CSMD1: variants seen among roughly 807,000 people sequenced by gnomAD.
CSMD1 encodes CUB and Sushi multiple domains 1, also known as CUB and sushi domain-containing protein 1.
CSMD1 carries 213 observed loss-of-function variants against 417.5 expected under a neutral mutation model. That is an observed-to-expected ratio of 0.51 (90% CI 0.46 to 0.57). CSMD1 has a LOEUF of 0.57. Ranked by LOEUF, CSMD1 falls within the 20% of genes least tolerant of loss-of-function variation. The pLI is 0.00. For synonymous variants in CSMD1, 2,862 were observed against 1,736.8 expected, an observed-to-expected ratio of 1.65 and a Z score of -16.11; for missense variants, 6,923 against 4,529.7, an observed-to-expected ratio of 1.53 and a Z score of -15.17.
intron 1 of CSMD1, among the ~76,000 whole-genome samples, chr8:4,965,619 G>C (rs532615401): frequency 6.6e-6 from 1 of 152,252 alleles, no homozygotes; most frequent in African/African-American, 2.4e-5. Flanking sequence ...GAAGTTTACT[G>C]AATTTCACTT....
chr8:4,049,834 A>G (rs944035342), intron 3 of CSMD1, among the ~76,000 whole-genome samples: 4 of 152,310 alleles, frequency 2.6e-5, no homozygotes, highest in Non-Finnish European at 2.9e-5. Flanking sequence ...ATCAGTGACC[A>G]ATATTGGCAT....
chr8:4,358,477 T>C (rs1411812442), intron 3 of CSMD1, among the ~76,000 whole-genome samples: 2 of 152,210 alleles, frequency 1.3e-5, no homozygotes, highest in Non-Finnish European at 2.9e-5. Flanking sequence ...CTGGCTCCTT[T>C]CCACAAGGTG....
chr8:4,636,116 T>C (rs1193398283), intron 2 of CSMD1, among the ~76,000 whole-genome samples: 2 of 152,112 alleles, frequency 1.3e-5, no homozygotes, highest in Admixed American at 1.3e-4. Flanking sequence ...GATTTTTTTC[T>C]CATCCCATAA....
intron 46 of CSMD1, among the ~76,000 whole-genome samples, chr8:3,098,689 G>A (rs969376551): frequency 1.3e-5 from 2 of 152,074 alleles, no homozygotes; most frequent in African/African-American, 4.8e-5. Flanking sequence ...AAGTTAATGT[G>A]ATATTTTAAG....
intron 3 of CSMD1, among the ~76,000 whole-genome samples, chr8:4,415,525 C>G (rs986988839): frequency 1.3e-5 from 2 of 152,194 alleles, no homozygotes; most frequent in African/African-American, 4.8e-5. Context: ...TGCTCTTCCG[C>G]CCTGTTTTAT....
chr8:4,662,926 G>T (rs1450882547), intron 1 of CSMD1, among the ~76,000 whole-genome samples: 2 of 152,154 alleles, frequency 1.3e-5, no homozygotes, highest in Non-Finnish European at 2.9e-5. Context: ...AAAGAAAAAG[G>T]AAAGAAAGGC....
At chr8:3,944,489 G>C (rs1479235429) in intron 5 of CSMD1, among the ~76,000 whole-genome samples, 1 of 151,974 alleles carries the variant, frequency 6.6e-6, no homozygotes, top group African/African-American at 2.4e-5. Flanking sequence ...GATGTTGTCA[G>C]ATCACTTTAA....
chr8:4,170,785 G>C (rs1014814268), intron 3 of CSMD1, among the ~76,000 whole-genome samples: 1 of 151,660 alleles, frequency 6.6e-6, no homozygotes, highest in Non-Finnish European at 1.5e-5. Flanking sequence ...ATTTCAAATG[G>C]TTCTGTTTGG....
In CSMD1 at chr8:3,090,444, C is replaced by T. The variant is rs553971380; in HGVS notation, c.7285+1072G>A. On this transcript the variant is annotated intron_variant, in intron 48 of 69. Coordinates refer to ENST00000635120, the MANE Select transcript of CSMD1 (RefSeq NM_033225.6). ...AAGGTCTGAGTATATTTTATTAAAC[C>T]TTCCAGAGGAAGAATATCTGAATTT... 2.2e-4 allele frequency among the ~76,000 whole-genome samples: 34 copies of T among 151,434 alleles called. 1 individual carries two copies. In the South Asian group the frequency reaches 6.9e-3, roughly 31 times the overall value.
intron 1 of CSMD1, among the ~76,000 whole-genome samples, chr8:4,871,057 A>G (rs1359915265): frequency 6.6e-6 from 1 of 152,066 alleles, no homozygotes; most frequent in Non-Finnish European, 1.5e-5. Flanking sequence ...CAGTGCTGGG[A>G]GGTGAGGCAG....
At chr8:3,394,058 A>ATATATATATAT (rs1811541356) in intron 17 of CSMD1, among the ~76,000 whole-genome samples, 1 of 123,000 alleles carries the variant, frequency 8.1e-6, no homozygotes, top group Non-Finnish European at 1.8e-5. Context: ...ATATATATAG[A>ATATATATATAT]AAAAAAGAAA....
At chr8:3,578,909 C>G (rs574634212) in intron 9 of CSMD1, among the ~76,000 whole-genome samples, 1 of 152,174 alleles carries the variant, frequency 6.6e-6, no homozygotes, top group African/African-American at 2.4e-5. Flanking sequence ...GATCTCTCTC[C>G]GTAAGTTGCC....
At chr8:4,075,136 G>A (rs1213013071) in intron 3 of CSMD1, among the ~76,000 whole-genome samples, 2 of 152,066 alleles carry the variant, frequency 1.3e-5, no homozygotes, top group East Asian at 1.9e-4. Flanking sequence ...AAAATGATAC[G>A]AAAAACTAAG....
intron 7 of CSMD1, among the ~76,000 whole-genome samples, chr8:3,628,159 C>T (rs151101331): frequency 6.6e-6 from 1 of 152,130 alleles, no homozygotes; most frequent in Non-Finnish European, 1.5e-5. Context: ...TGTAAACCCC[C>T]CTTTGGTTAC....
At chr8:3,556,392 A>ATATCTATATATATATATATATAT (rs1554468279) in intron 10 of CSMD1, among the ~76,000 whole-genome samples, 1 of 120,448 alleles carries the variant, frequency 8.3e-6, no homozygotes, top group African/African-American at 3.3e-5. Flanking sequence ...TATAATAATT[A>ATATCTATATATATATATATATAT]ATATATATAT....
At chr8:4,508,240 C>T (rs758029396) in intron 2 of CSMD1, among the ~76,000 whole-genome samples, 1 of 150,338 alleles carries the variant, frequency 6.7e-6, no homozygotes, top group Non-Finnish European at 1.5e-5. Flanking sequence ...ATTTAACAAA[C>T]ATTTATTTTT....
chr8:4,842,089 C>A (rs374440677), intron 1 of CSMD1, among the ~76,000 whole-genome samples: 7 of 152,028 alleles, frequency 4.6e-5, no homozygotes, highest in Admixed American at 4.6e-4. Flanking sequence ...CTATGTGTAC[C>A]ATTCTGTATG....
At chr8:4,752,459 G>A (rs141806502) in intron 1 of CSMD1, among the ~76,000 whole-genome samples, 28 of 152,210 alleles carry the variant, frequency 1.8e-4, no homozygotes, top group African/African-American at 6.0e-4. Flanking sequence ...GTACTACCTC[G>A]GGTGATGAAG....
chr8:4,177,374 G>C (rs951870280), intron 3 of CSMD1, among the ~76,000 whole-genome samples: 1 of 151,976 alleles, frequency 6.6e-6, no homozygotes, highest in Non-Finnish European at 1.5e-5. Context: ...GATGTTCTTT[G>C]AAACCAACGA....
Sources: allele counts gnomAD v4.1 joint callset (sites outside exome capture counted in the v4.1 genomes callset), GRCh38; gene constraint gnomAD v4.1.1; transcripts MANE v1.5; gene names NCBI Gene and HGNC (gene_info 2026-07-23, HGNC 2026-07-21).